Variants in B4GALT5 observed in about 807,000 individuals in gnomAD.
B4GALT5 encodes beta-1,4-galactosyltransferase 5.
Under a neutral mutation model 45.0 loss-of-function variants are expected in B4GALT5, and 11 were observed. That is an observed-to-expected ratio of 0.24 (90% CI 0.15 to 0.40). B4GALT5 has a LOEUF of 0.40. Among genes scored for constraint, B4GALT5 ranks in the 10% least tolerant of loss-of-function variants. The pLI is 1.00. For synonymous variants in B4GALT5, 185 were observed against 182.9 expected, an observed-to-expected ratio of 1.01 and a Z score of -0.09; for missense variants, 337 against 500.2, an observed-to-expected ratio of 0.67 and a Z score of 3.11.
intron 4 of B4GALT5, among the ~76,000 whole-genome samples, chr20:49,643,072 T>A (rs1042507673): frequency 2.6e-5 from 4 of 152,238 alleles, no homozygotes; most frequent in Non-Finnish European, 5.9e-5. Flanking sequence ...AAGAATGGAC[T>A]TCAGCTGGGG....
intron 1 of B4GALT5, among the ~76,000 whole-genome samples, chr20:49,681,710 T>C (rs1182439662): frequency 1.3e-5 from 2 of 152,256 alleles, no homozygotes; most frequent in African/African-American, 4.8e-5. Context: ...CTCTACCCTT[T>C]TACCCTCATT....
intron 1 of B4GALT5, among the ~76,000 whole-genome samples, chr20:49,679,721 G>A (rs1271766989): frequency 6.6e-6 from 1 of 151,946 alleles, no homozygotes; most frequent in African/African-American, 2.4e-5. Context: ...TCACACATCA[G>A]CTGAACTTTC....
At position 49,692,599 on chromosome 20, in the gene B4GALT5, T is replaced by C. The variant is rs150264008; in HGVS notation, c.115+20977A>G. The stretch of plus-strand genomic sequence containing the variant: ...GAATAACAACTAGAATGGGACTCAG[T>C]TGTAGTGCTGGCATTGCCTAGGAGG... On this transcript the variant is annotated intron_variant, in intron 1 of 8. Coordinates refer to ENST00000371711, the MANE Select transcript of B4GALT5 (RefSeq NM_004776.4). 7.4e-3 allele frequency among the ~76,000 whole-genome samples: 1,127 copies of C among 152,334 alleles called. 10 individuals carry two copies. The highest frequency in any genetic ancestry group is 0.012 in the Non-Finnish European group (801 of 68,030).
chr20:49,658,001 T>C (rs1468831993), intron 1 of B4GALT5, among the ~76,000 whole-genome samples: 2 of 152,098 alleles, frequency 1.3e-5, no homozygotes, highest in Non-Finnish European at 1.5e-5. Context: ...TTTCAAATCA[T>C]CTCTTAAGGT....
chr20:49,663,728 T>TA (rs2085677144), intron 1 of B4GALT5, among the ~76,000 whole-genome samples: 2 of 112,690 alleles, frequency 1.8e-5, no homozygotes, highest in African/African-American at 6.7e-5. Flanking sequence ...TATATATATA[T>TA]GAAAAATGGG....
At chr20:49,708,271 T>G (rs1045802990) in intron 1 of B4GALT5, among the ~76,000 whole-genome samples, 28 of 151,926 alleles carry the variant, frequency 1.8e-4, no homozygotes, top group African/African-American at 6.3e-4. Flanking sequence ...TAAAAATAAA[T>G]TAAAATCTTA....
At chr20:49,646,648 A>G (rs948345927) in intron 3 of B4GALT5, among the ~76,000 whole-genome samples, 3 of 152,166 alleles carry the variant, frequency 2.0e-5, no homozygotes, top group Admixed American at 6.5e-5. Flanking sequence ...TACTTCTCAG[A>G]AAGTACCCTC....
Position 49,633,285 on chromosome 20 carries a change from CT to C in B4GALT5, c.*3026del, listed in dbSNP as rs2122982824. On this transcript the variant is annotated 3_prime_UTR_variant, in exon 9 of 9. Transcript: ENST00000371711. ...GACCTATTATGTCAAAATGAGTATT[CT>C]TGCAAATACCCCCCCACCCCCCAAA... is the stretch of plus-strand genomic sequence containing the variant. The C allele has an allele frequency of 6.5e-6, 1 of 152,878 alleles. No individual in the cohort carries two copies. Among genetic ancestry groups the C allele is most frequent in the Non-Finnish European group, 1.5e-5 (1 of 68,070 alleles). The allele number at this position is 152,878 out of a possible 1,614,324, so 9.5% of individuals were successfully genotyped here.
intron 1 of B4GALT5, among the ~76,000 whole-genome samples, chr20:49,709,423 A>G (rs1317387688): frequency 6.6e-6 from 1 of 152,150 alleles, no homozygotes; most frequent in African/African-American, 2.4e-5. Flanking sequence ...TTCTGTCCCA[A>G]CCTTCTCCTT....
intron 2 of B4GALT5, 129 bp downstream of exon 2, chr20:49,656,439 G>A: frequency 8.3e-7 from 1 of 1,205,652 alleles, no homozygotes; most frequent in South Asian, 1.4e-5. Context: ...TTTTTTAGCA[G>A]TAAAGTAAAA....
intron 2 of B4GALT5, among the ~76,000 whole-genome samples, chr20:49,655,839 G>A (rs2085640359): frequency 6.7e-6 from 1 of 150,008 alleles, no homozygotes; most frequent in Non-Finnish European, 1.5e-5. Flanking sequence ...TGAGGCACGA[G>A]TATCACTTGA....
chr20:49,646,815 A>G, intron 3 of B4GALT5, 150 bp downstream of exon 3: 2 of 521,384 alleles, frequency 3.8e-6, no homozygotes, highest in South Asian at 3.4e-5. Context: ...GCAGGCTTTG[A>G]AGAGGAGCCA....
Position 49,649,043 on chromosome 20 carries a change from C to T in B4GALT5, c.251-1965G>A, listed in dbSNP as rs570972419. Among the ~76,000 whole-genome samples the T allele has an allele frequency of 6.6e-4, 100 of 152,170 alleles. 1 individual carries two copies. Among genetic ancestry groups the T allele is most frequent in the Non-Finnish European group, 6.0e-4 (41 of 68,040 alleles). On this transcript the variant is annotated intron_variant, in intron 2 of 8. Transcript: ENST00000371711. ...GATATTTTTGAAAAAGCACTATGAG[C>T]AGGTTTCCAAGAATCAAATGGCTAA...
rs1984450899 is a variant in B4GALT5 at position 49,634,214 on chromosome 20, A to C, written c.*2098T>G. 2 of 152,368 alleles carry C rather than the reference A, an allele frequency of 1.3e-5. No homozygotes were observed. The allele number at this position is 152,368 out of a possible 1,614,324, so 9.4% of individuals were successfully genotyped here. A position where few individuals can be genotyped will look rare whatever the true frequency, so the allele number is the denominator to read the frequency against. On this transcript the variant is annotated 3_prime_UTR_variant, in exon 9 of 9. Transcript: ENST00000371711. The stretch of plus-strand genomic sequence containing the variant: ...AAACACAAACAAACAAACAAACAAA[A>C]CAAGGCCTGGCCAATCACTCCCACA...
intron 1 of B4GALT5, among the ~76,000 whole-genome samples, chr20:49,706,792 G>A (rs554289215): frequency 1.3e-5 from 2 of 152,232 alleles, no homozygotes; most frequent in East Asian, 3.9e-4. Context: ...TTCTCTGACA[G>A]GCCTCAGCAG....
chr20:49,706,865 G>A (rs964573050), intron 1 of B4GALT5, among the ~76,000 whole-genome samples: 3 of 152,220 alleles, frequency 2.0e-5, no homozygotes, highest in South Asian at 4.1e-4. Flanking sequence ...TAGATGTGCC[G>A]AACATACTTC....
At position 49,713,638 on chromosome 20, in the gene B4GALT5, G is replaced by A. The variant is rs764491237; in HGVS notation, c.53C>T (p.Ala18Val). The A allele has an allele frequency of 5.7e-6, 9 of 1,578,520 alleles. No homozygotes were observed. Among genetic ancestry groups the A allele is most frequent in the Middle Eastern group, 3.4e-4 (2 of 5,966 alleles). ...GGACGAGAGAGAAAAGAAGAAGAGCGCGGCGAGCAGCGAGCGGCGCGGCAG... is the reference window on the plus strand; with the variant it reads ...GGACGAGAGAGAAAAGAAGAAGAGCACGGCGAGCAGCGAGCGGCGCGGCAG... ...LRLPRRSLLAALFFFSLSSSL... is the reference protein window; with the variant it reads ...LRLPRRSLLAVLFFFSLSSSL... Residue 18 changes from alanine to valine, a missense_variant, in exon 1 of 9, where the codon GCG becomes GTG. Coordinates refer to ENST00000371711, the MANE Select transcript of B4GALT5 (RefSeq NM_004776.4).
intron 1 of B4GALT5, among the ~76,000 whole-genome samples, chr20:49,674,639 G>T (rs893270520): frequency 1.3e-5 from 2 of 150,930 alleles, no homozygotes; most frequent in African/African-American, 4.9e-5. Flanking sequence ...GAGCCCAGTA[G>T]TTACAGAGAC....
intron 1 of B4GALT5, among the ~76,000 whole-genome samples, chr20:49,681,672 G>A (rs1411653792): frequency 6.6e-6 from 1 of 152,154 alleles, no homozygotes; most frequent in African/African-American, 2.4e-5. Context: ...CTGTTCTACC[G>A]CAGTCTTCCC....
Sources: gnomAD v4.1 joint callset for allele counts (sites outside exome capture counted in the v4.1 genomes callset) on GRCh38, gnomAD v4.1.1 for gene constraint, MANE v1.5 for transcripts, NCBI Gene and HGNC (gene_info 2026-07-23, HGNC 2026-07-21) for gene names.